HS3ST3A1: variants seen among roughly 807,000 people sequenced by gnomAD.
HS3ST3A1 encodes heparan sulfate-glucosamine 3-sulfotransferase 3A1.
HS3ST3A1 carries 19 observed loss-of-function variants against 25.7 expected under a neutral mutation model. The ratio of observed to expected loss-of-function variants is 0.74; its 90% confidence interval spans 0.52 to 1.08. HS3ST3A1 has a LOEUF of 1.08. Ranked by LOEUF, HS3ST3A1 falls within the 50% of genes least tolerant of loss-of-function variation. HS3ST3A1 has a pLI of 0.00. For missense variants in HS3ST3A1, 459 were observed against 594.3 expected (o/e 0.77, Z 2.37); for synonymous variants, 226 against 278.6 (o/e 0.81, Z 1.88).
In HS3ST3A1 at chr17:13,494,762, G is replaced by T. The variant is rs367580400; in HGVS notation, c.*1435C>A. ...ATCTTGTTAATACCCACTCAGAGAGGAAAGGAATACTGTTAATAAACTATT... is the reference window on the plus strand; with the variant it reads ...ATCTTGTTAATACCCACTCAGAGAGTAAAGGAATACTGTTAATAAACTATT... On this transcript the variant is annotated 3_prime_UTR_variant, in exon 2 of 2. Coordinates refer to ENST00000284110, the MANE Select transcript of HS3ST3A1 (RefSeq NM_006042.3). Among the ~76,000 whole-genome samples, 1 of 152,142 alleles carries T rather than the reference G, an allele frequency of 6.6e-6. No homozygotes were observed.
chr17:13,530,419 C>CTCA (rs140879847), intron 1 of HS3ST3A1, among the ~76,000 whole-genome samples: 2,398 of 152,254 alleles, frequency 0.016, 63 homozygotes, highest in African/African-American at 0.055. Context: ...ATTATTCCCA[C>CTCA]TCTCCAAATG....
chr17:13,526,115 A>G (rs1379427509), intron 1 of HS3ST3A1, among the ~76,000 whole-genome samples: 3 of 151,866 alleles, frequency 2.0e-5, no homozygotes, highest in African/African-American at 7.2e-5. Flanking sequence ...TCCACAGGGC[A>G]GTCTTAGAAT....
intron 1 of HS3ST3A1, among the ~76,000 whole-genome samples, chr17:13,596,014 A>G (rs1357175561): frequency 2.6e-5 from 4 of 152,158 alleles, no homozygotes. Flanking sequence ...CAGATTTGGC[A>G]CTTATTCTTT....
intron 1 of HS3ST3A1, among the ~76,000 whole-genome samples, chr17:13,548,787 T>G (rs1354040152): frequency 6.6e-6 from 1 of 152,174 alleles, no homozygotes; most frequent in Non-Finnish European, 1.5e-5. Context: ...TAAAGGTTTA[T>G]AAACACACCA....
intron 1 of HS3ST3A1, among the ~76,000 whole-genome samples, chr17:13,556,528 G>GAAAATAAAATAAAATAAAAT (rs1315579147): frequency 5.4e-5 from 8 of 149,284 alleles, no homozygotes; most frequent in South Asian, 2.1e-4. Flanking sequence ...TAAAATAAAA[G>GAAAATAAAATAAAATAAAAT]AAAATAAAAT....
intron 1 of HS3ST3A1, among the ~76,000 whole-genome samples, chr17:13,589,784 C>T (rs1167410051): frequency 1.3e-5 from 2 of 152,160 alleles, no homozygotes; most frequent in Non-Finnish European, 2.9e-5. Flanking sequence ...GGAGTTAGGG[C>T]AAACATGGCT....
chr17:13,518,967 T>A (rs186833562), intron 1 of HS3ST3A1, among the ~76,000 whole-genome samples: 11 of 152,216 alleles, frequency 7.2e-5, no homozygotes, highest in Non-Finnish European at 1.3e-4. Flanking sequence ...GTGGTAATGT[T>A]ATGAAGCATT....
chr17:13,523,300 T>A (rs1472534859), intron 1 of HS3ST3A1, among the ~76,000 whole-genome samples: 1 of 152,158 alleles, frequency 6.6e-6, no homozygotes, highest in Non-Finnish European at 1.5e-5. Flanking sequence ...ATATGGCCAG[T>A]CTAGTTAATT....
intron 1 of HS3ST3A1, among the ~76,000 whole-genome samples, chr17:13,538,714 G>A (rs2142341089): frequency 6.6e-6 from 1 of 152,104 alleles, no homozygotes; most frequent in Admixed American, 6.5e-5. Flanking sequence ...GGAAGTCCCA[G>A]GTGTTTTGGT....
At chr17:13,501,524 T>C (rs1905475831) in intron 1 of HS3ST3A1, among the ~76,000 whole-genome samples, 1 of 152,116 alleles carries the variant, frequency 6.6e-6, no homozygotes, top group Non-Finnish European at 1.5e-5. Context: ...AAAAGGGAAA[T>C]ACAATAATTT....
chr17:13,510,413 G>C (rs1001741454), intron 1 of HS3ST3A1, among the ~76,000 whole-genome samples: 1 of 152,200 alleles, frequency 6.6e-6, no homozygotes, highest in African/African-American at 2.4e-5. Flanking sequence ...AGCTGAGAGA[G>C]AAACATGATG....
chr17:13,549,621 T>G (rs997689821), intron 1 of HS3ST3A1, among the ~76,000 whole-genome samples: 1 of 152,154 alleles, frequency 6.6e-6, no homozygotes, highest in Non-Finnish European at 1.5e-5. Context: ...CTCATCCTCT[T>G]CTGATGGTGG....
intron 1 of HS3ST3A1, among the ~76,000 whole-genome samples, chr17:13,498,041 A>G (rs1238572936): frequency 6.6e-6 from 1 of 152,230 alleles, no homozygotes; most frequent in Non-Finnish European, 1.5e-5. Context: ...AAAATTGTCA[A>G]ATCAGTCTCA....
At chr17:13,579,638 TTGCAG>T (rs1908046828) in intron 1 of HS3ST3A1, among the ~76,000 whole-genome samples, 1 of 144,040 alleles carries the variant, frequency 6.9e-6, no homozygotes, top group Admixed American at 7.3e-5. Context: ...GAGGCGGAGG[TTGCAG>T]TGAGCCAAGA....
intron 1 of HS3ST3A1, among the ~76,000 whole-genome samples, chr17:13,587,662 G>A (rs1223602870): frequency 6.6e-6 from 1 of 151,974 alleles, no homozygotes; most frequent in East Asian, 1.9e-4. Flanking sequence ...AGAGAGAGCA[G>A]GGGATGATTT....
At chr17:13,520,728 C>T (rs562099116) in intron 1 of HS3ST3A1, among the ~76,000 whole-genome samples, 1 of 152,130 alleles carries the variant, frequency 6.6e-6, no homozygotes, top group South Asian at 2.1e-4. Context: ...GATTCTCCTG[C>T]CTCAGCTTCC....
intron 1 of HS3ST3A1, among the ~76,000 whole-genome samples, chr17:13,582,801 A>C (rs1446475261): frequency 6.6e-6 from 1 of 152,138 alleles, no homozygotes; most frequent in South Asian, 2.1e-4. Context: ...TGTCTTTCCG[A>C]GTGACTTATT....
At chr17:13,575,341 T>C (rs781365667) in intron 1 of HS3ST3A1, among the ~76,000 whole-genome samples, 2 of 152,198 alleles carry the variant, frequency 1.3e-5, no homozygotes, top group African/African-American at 2.4e-5. Context: ...CAGCCTCAAT[T>C]TTGATTTCAT....
At chr17:13,554,767 G>A (rs1362597230) in intron 1 of HS3ST3A1, among the ~76,000 whole-genome samples, 1 of 152,156 alleles carries the variant, frequency 6.6e-6, no homozygotes, top group Non-Finnish European at 1.5e-5. Context: ...GCAGGGTTGG[G>A]ATAAGATGCC....
Sources: gnomAD v4.1 joint callset for allele counts (sites outside exome capture counted in the v4.1 genomes callset) on GRCh38, gnomAD v4.1.1 for gene constraint, MANE v1.5 for transcripts, NCBI Gene and HGNC (gene_info 2026-07-23, HGNC 2026-07-21) for gene names.